CHRM2: variants seen among roughly 807,000 people sequenced by gnomAD.
CHRM2 encodes the protein muscarinic acetylcholine receptor M2.
Under a neutral mutation model 25.0 loss-of-function variants are expected in CHRM2, and 8 were observed. The observed-to-expected ratio is 0.32, with a 90% CI of 0.19 to 0.58. The LOEUF (loss-of-function observed/expected upper bound fraction) is 0.58, where lower values mean the gene tolerates loss of function less well. CHRM2 is among the 20% of genes least tolerant of loss of function. CHRM2 has a pLI of 0.88. For missense variants in CHRM2, 440 were observed against 567.1 expected (o/e 0.78, Z 2.28); for synonymous variants, 202 against 205.7 (o/e 0.98, Z 0.15).
At chr7:136,923,825 C>T (rs1458131001) in intron 2 of CHRM2, among the ~76,000 whole-genome samples, 1 of 151,996 alleles carries the variant, frequency 6.6e-6, no homozygotes, top group African/African-American at 2.4e-5. Context: ...CCTGGGCAAC[C>T]AGGCAAGAGC....
chr7:137,003,266 A>G (rs917994249), intron 3 of CHRM2, among the ~76,000 whole-genome samples: 14 of 152,268 alleles, frequency 9.2e-5, no homozygotes, highest in African/African-American at 3.4e-4. Context: ...GCCATTCTTC[A>G]AGCTTCCATA....
rs939211700 is a variant in CHRM2 at position 136,874,843 on chromosome 7, G to A, written c.-125+5425G>A. Among the ~76,000 whole-genome samples, 12 of 151,698 alleles carry A rather than the reference G, an allele frequency of 7.9e-5. No individual in the cohort carries two copies. The East Asian group carries it at 2.3e-3, about 30-fold the overall frequency. Reference sequence around the variant, plus strand: ...GTATACAGTTATGGCAAAGGGGTGGGAAGGATATTTATACCCTTACAGGTT... The same window carrying A: ...GTATACAGTTATGGCAAAGGGGTGGAAAGGATATTTATACCCTTACAGGTT... On this transcript the variant is annotated intron_variant, in intron 2 of 3. Coordinates refer to ENST00000680005, the MANE Select transcript of CHRM2 (RefSeq NM_001006630.2).
At chr7:136,993,964 A>G (rs1803402959) in intron 3 of CHRM2, among the ~76,000 whole-genome samples, 2 of 152,264 alleles carry the variant, frequency 1.3e-5, no homozygotes, top group African/African-American at 4.8e-5. Flanking sequence ...AAAATAAATA[A>G]ACCGATGTGA....
intron 2 of CHRM2, among the ~76,000 whole-genome samples, chr7:136,950,115 A>G (rs984596035): frequency 3.3e-5 from 5 of 152,154 alleles, no homozygotes; most frequent in African/African-American, 1.2e-4. Flanking sequence ...CTGATTACTA[A>G]TTAAACTAAA....
At chr7:136,939,617 T>C (rs1799644717) in intron 2 of CHRM2, among the ~76,000 whole-genome samples, 2 of 152,344 alleles carry the variant, frequency 1.3e-5, no homozygotes, top group Middle Eastern at 3.4e-3. Context: ...ATTTTAGATG[T>C]TCTTTAATTT....
chr7:136,948,757 G>T (rs992849742), intron 2 of CHRM2, among the ~76,000 whole-genome samples: 9 of 152,110 alleles, frequency 5.9e-5, no homozygotes, highest in African/African-American at 2.2e-4. Context: ...GAGTGAGGCA[G>T]TAAGCAGTCT....
At chr7:136,894,608 G>C (rs1796820462) in intron 2 of CHRM2, among the ~76,000 whole-genome samples, 2 of 152,216 alleles carry the variant, frequency 1.3e-5, no homozygotes, top group African/African-American at 4.8e-5. Flanking sequence ...CTGACCTCAG[G>C]TGATCCACCC....
intron 2 of CHRM2, among the ~76,000 whole-genome samples, chr7:136,958,448 CTTTT>C (rs56127104): frequency 1.5e-4 from 14 of 91,144 alleles, no homozygotes; most frequent in Admixed American, 3.9e-4. Flanking sequence ...GCAGTGTCAT[CTTTT>C]TTTTTTTTTT....
At chr7:136,946,068 A>G (rs1800056207) in intron 2 of CHRM2, among the ~76,000 whole-genome samples, 1 of 152,112 alleles carries the variant, frequency 6.6e-6, no homozygotes, top group South Asian at 2.1e-4. Flanking sequence ...CTAAATTCAC[A>G]TCATGAAAAT....
intron 3 of CHRM2, among the ~76,000 whole-genome samples, chr7:137,013,099 C>T (rs1487353917): frequency 6.6e-6 from 1 of 151,666 alleles, no homozygotes; most frequent in Non-Finnish European, 1.5e-5. Flanking sequence ...TCCTTTTTTG[C>T]CAAAACTCTA....
intron 3 of CHRM2, among the ~76,000 whole-genome samples, chr7:137,000,702 A>G (rs935717231): frequency 6.6e-6 from 1 of 151,466 alleles, no homozygotes; most frequent in East Asian, 1.9e-4. Flanking sequence ...TTACCATCAC[A>G]TTATAAAATA....
chr7:136,958,354 T>C (rs1439606393), intron 2 of CHRM2, among the ~76,000 whole-genome samples: 1 of 152,124 alleles, frequency 6.6e-6, no homozygotes, highest in Non-Finnish European at 1.5e-5. Context: ...TGGGAGCCTG[T>C]GGGCACTTTA....
chr7:136,987,986 A>T (rs2131004746), intron 2 of CHRM2, among the ~76,000 whole-genome samples: 1 of 151,970 alleles, frequency 6.6e-6, no homozygotes, highest in East Asian at 1.9e-4. Flanking sequence ...CATGTAAATC[A>T]TACTTACAAA....
At chr7:136,977,437 C>T (rs751169671) in intron 2 of CHRM2, among the ~76,000 whole-genome samples, 20 of 151,702 alleles carry the variant, frequency 1.3e-4, no homozygotes, top group African/African-American at 4.1e-4. Context: ...CAAGGTCTTA[C>T]GATAGACAGT....
chr7:136,935,273 A>C (rs894269708), intron 2 of CHRM2, among the ~76,000 whole-genome samples: 3 of 152,178 alleles, frequency 2.0e-5, no homozygotes, highest in African/African-American at 7.2e-5. Context: ...ATACCTGTAC[A>C]TATATGGAAA....
chr7:136,996,767 T>C (rs73729835), intron 3 of CHRM2, among the ~76,000 whole-genome samples: 9,394 of 152,254 alleles, frequency 0.062, 928 homozygotes, highest in African/African-American at 0.21. Context: ...TCGAATGTCA[T>C]AGGAAAATGT....
At position 136,926,808 on chromosome 7, in the gene CHRM2, T is replaced by A. The variant is rs1211890150; in HGVS notation, c.-125+57390T>A. Among the ~76,000 whole-genome samples, 3 of 152,218 alleles carry A rather than the reference T, an allele frequency of 2.0e-5. No individual in the cohort carries two copies. In the East Asian group the frequency reaches 5.8e-4, roughly 29 times the overall value. ...TCATTGTGCTTGCAATGCCTCCTGA[T>A]GGTGCTCCTGCTGCAGCTGTCAGAT... On this transcript the variant is annotated intron_variant, in intron 2 of 3. Coordinates refer to ENST00000680005, the MANE Select transcript of CHRM2 (RefSeq NM_001006630.2).
chr7:136,984,524 C>A (rs1429895682), intron 2 of CHRM2, among the ~76,000 whole-genome samples: 1 of 152,090 alleles, frequency 6.6e-6, no homozygotes, highest in Non-Finnish European at 1.5e-5. Context: ...CCAGTGTCTG[C>A]CCAAAGGGCT....
intron 2 of CHRM2, among the ~76,000 whole-genome samples, chr7:136,981,237 T>C (rs1802466203): frequency 6.6e-6 from 1 of 152,168 alleles, no homozygotes; most frequent in South Asian, 2.1e-4. Context: ...CACAGAGGTG[T>C]TTATAGGATT....
Sources: gnomAD v4.1 joint callset for allele counts (sites outside exome capture counted in the v4.1 genomes callset) on GRCh38, gnomAD v4.1.1 for gene constraint, MANE v1.5 for transcripts, NCBI Gene and HGNC (gene_info 2026-07-23, HGNC 2026-07-21) for gene names.